The following KCNN3 variants were observed in gnomAD, a reference collection of about 807,000 sequenced individuals.
KCNN3 encodes potassium calcium-activated channel subfamily N member 3.
KCNN3 carries 16 observed loss-of-function variants against 62.9 expected under a neutral mutation model. That is an observed-to-expected ratio of 0.25 (90% CI 0.17 to 0.39). The LOEUF (loss-of-function observed/expected upper bound fraction) is 0.39. Among genes scored for constraint, KCNN3 ranks in the 10% least tolerant of loss-of-function variants. KCNN3 has a pLI of 1.00. For missense variants in KCNN3, 599 were observed against 949.4 expected, an observed-to-expected ratio of 0.63 and a Z score of 4.85; for synonymous variants, 370 against 389.2, an observed-to-expected ratio of 0.95 and a Z score of 0.58.
At chr1:154,843,728 CCTT>C (rs781707719) in intron 1 of KCNN3, among the ~76,000 whole-genome samples, 2 of 152,200 alleles carry the variant, frequency 1.3e-5, no homozygotes, top group East Asian at 1.9e-4. Context: ...CCCGGAGACT[CCTT>C]CTCACCCTTG....
intron 1 of KCNN3, among the ~76,000 whole-genome samples, chr1:154,840,808 G>A (rs1165745651): frequency 1.3e-5 from 2 of 152,210 alleles, no homozygotes; most frequent in Non-Finnish European, 2.9e-5. Context: ...ACAGTACCAG[G>A]GAGCAGAGTG....
chr1:154,744,899 T>G (rs991695061), intron 3 of KCNN3, among the ~76,000 whole-genome samples: 1 of 147,564 alleles, frequency 6.8e-6, no homozygotes, highest in Non-Finnish European at 1.5e-5. Context: ...TTACTGCTTG[T>G]GCCAGTGGGT....
At chr1:154,846,657 T>G (rs1652074699) in intron 1 of KCNN3, among the ~76,000 whole-genome samples, 1 of 152,162 alleles carries the variant, frequency 6.6e-6, no homozygotes, top group Non-Finnish European at 1.5e-5. Flanking sequence ...TGCAGCCAGT[T>G]TCCATGGGGC....
Position 154,707,256 on chromosome 1 carries a change from T to C in KCNN3, c.*720A>G, listed in dbSNP as rs1699981674. On this transcript the variant is annotated 3_prime_UTR_variant, in exon 8 of 8. Coordinates refer to ENST00000271915, the MANE Select transcript of KCNN3 (RefSeq NM_002249.6). Reference sequence around the variant, plus strand: ...AAACACATGTAAGGGGTGCCTATTGTATGCAGGGTAAGGTGTCAAGTCCCT... The same window carrying C: ...AAACACATGTAAGGGGTGCCTATTGCATGCAGGGTAAGGTGTCAAGTCCCT... 6.6e-6 allele frequency: 1 copy of C among 152,138 alleles called. No homozygotes were observed. The highest frequency in any genetic ancestry group is 1.5e-5 in the Non-Finnish European group (1 of 68,038). The allele number at this position is 152,138 out of a possible 1,614,324, so 9.4% of individuals were successfully genotyped here. A position where few individuals can be genotyped will look rare whatever the true frequency, so the allele number is the denominator to read the frequency against.
Position 154,831,751 on chromosome 1 carries a change from T to C in KCNN3, c.934-9567A>G, listed in dbSNP as rs1421399211. Among the ~76,000 whole-genome samples, 4 of 152,242 alleles carry C rather than the reference T, an allele frequency of 2.6e-5. No individual in the cohort carries two copies. In the East Asian group the frequency reaches 7.7e-4, roughly 29 times the overall value. On this transcript the variant is annotated intron_variant, in intron 1 of 7. Coordinates refer to ENST00000271915, the MANE Select transcript of KCNN3 (RefSeq NM_002249.6). ...AGCCCTGGAGAGACTCTATTTTGGATGGCTCTTTTTCAAAGATCTGCCTGC... is the reference window on the plus strand; with the variant it reads ...AGCCCTGGAGAGACTCTATTTTGGACGGCTCTTTTTCAAAGATCTGCCTGC...
chr1:154,781,304 G>A (rs1022833673), intron 2 of KCNN3, among the ~76,000 whole-genome samples: 2 of 152,184 alleles, frequency 1.3e-5, no homozygotes, highest in Non-Finnish European at 2.9e-5. Context: ...GTCACCACTA[G>A]GGATAGAGCA....
intron 3 of KCNN3, among the ~76,000 whole-genome samples, chr1:154,733,727 G>A (rs1175797950): frequency 6.6e-6 from 1 of 152,144 alleles, no homozygotes; most frequent in Non-Finnish European, 1.5e-5. Context: ...GAGTCAGACA[G>A]GGGCTTGTAG....
At chr1:154,719,887 G>C (rs1032652603) in intron 5 of KCNN3, among the ~76,000 whole-genome samples, 1 of 152,102 alleles carries the variant, frequency 6.6e-6, no homozygotes, top group Non-Finnish European at 1.5e-5. Context: ...GGCCCTCACT[G>C]ACCACTTAGA....
intron 3 of KCNN3, among the ~76,000 whole-genome samples, chr1:154,753,881 A>G (rs1460523407): frequency 1.3e-5 from 2 of 152,212 alleles, no homozygotes; most frequent in African/African-American, 4.8e-5. Context: ...GTTTATCAGG[A>G]ACCAGCCAGT....
chr1:154,861,197 C>T (rs992412283), intron 1 of KCNN3, among the ~76,000 whole-genome samples: 1 of 151,988 alleles, frequency 6.6e-6, no homozygotes, highest in Admixed American at 6.5e-5. Flanking sequence ...TCAGGTGATC[C>T]ACCCTCCTTG....
intron 2 of KCNN3, among the ~76,000 whole-genome samples, chr1:154,789,685 C>T (rs1275384542): frequency 6.6e-6 from 1 of 152,148 alleles, no homozygotes; most frequent in Non-Finnish European, 1.5e-5. Flanking sequence ...GCACTCAGGA[C>T]AGGCAGGGCC....
intron 5 of KCNN3, among the ~76,000 whole-genome samples, chr1:154,717,660 ACGG>A (rs548113421): frequency 8.8e-4 from 134 of 151,982 alleles, no homozygotes; most frequent in Non-Finnish European, 1.6e-3. Flanking sequence ...AAGTCACAGC[ACGG>A]CCCGGGTAGC....
rs1446859900 is a variant in KCNN3, at chr1:154,858,606, G to T, written c.933+10426C>A. On this transcript the variant is annotated intron_variant, in intron 1 of 7. Transcript: ENST00000271915. ...GAGCAGGGCTTGCCACACAGTGGGT[G>T]TTCAGGATATGTTTCCAGAAGAGGG... 3.9e-5 allele frequency among the ~76,000 whole-genome samples: 6 copies of T among 152,230 alleles called. 1 individual carries two copies. The highest frequency in any genetic ancestry group is 1.3e-4 in the Admixed American group (2 of 15,284).
chr1:154,729,871 G>A (rs1196065721), intron 4 of KCNN3, among the ~76,000 whole-genome samples: 1 of 152,208 alleles, frequency 6.6e-6, no homozygotes, highest in Non-Finnish European at 1.5e-5. Context: ...GCAGTTCAGA[G>A]GCATCTCTCA....
At position 154,705,356 on chromosome 1, in the gene KCNN3, C is replaced by T. The variant is rs1275990437; in HGVS notation, c.*2620G>A. 2.0e-5 allele frequency: 3 copies of T among 152,320 alleles called. No individual in the cohort carries two copies. The South Asian group carries it at 6.2e-4, about 32-fold the overall frequency. 9.4% of individuals were successfully genotyped at this position (152,320 alleles called of 1,614,324 possible). ...GTACAGAGAAATAGCCTTCCATTTG[C>T]TATTACAGGATCAATGTGCAGGTTT... is the stretch of plus-strand genomic sequence containing the variant. On this transcript the variant is annotated 3_prime_UTR_variant, in exon 8 of 8. Transcript: ENST00000271915.
At chr1:154,844,092 G>A (rs1369322770) in intron 1 of KCNN3, among the ~76,000 whole-genome samples, 1 of 152,222 alleles carries the variant, frequency 6.6e-6, no homozygotes, top group African/African-American at 2.4e-5. Flanking sequence ...ACCCAAGGGA[G>A]CAAATGAATG....
intron 1 of KCNN3, among the ~76,000 whole-genome samples, chr1:154,842,441 G>A (rs6666891): frequency 0.32 from 47,898 of 151,952 alleles, 7,970 homozygotes; most frequent in African/African-American, 0.37. Context: ...CTTCCTGAGT[G>A]TCCCAGCCAT....
chr1:154,752,779 G>T (rs1204731697), intron 3 of KCNN3, among the ~76,000 whole-genome samples: 2 of 152,200 alleles, frequency 1.3e-5, no homozygotes, highest in Admixed American at 6.5e-5. Context: ...ACACTATGGT[G>T]GGGGAGTTAC....
At chr1:154,725,435 C>T (rs1047382678) in intron 5 of KCNN3, among the ~76,000 whole-genome samples, 9 of 152,110 alleles carry the variant, frequency 5.9e-5, no homozygotes, top group African/African-American at 1.7e-4. Flanking sequence ...GACAGGAACC[C>T]GGCGTATGAA....
Sources: gnomAD v4.1 joint callset for allele counts (sites outside exome capture counted in the v4.1 genomes callset) on GRCh38, gnomAD v4.1.1 for gene constraint, MANE v1.5 for transcripts, NCBI Gene and HGNC (gene_info 2026-07-23, HGNC 2026-07-21) for gene names.